Variants in MALRD1 observed in about 807,000 individuals in gnomAD.
The protein encoded by MALRD1 is MAM and LDL receptor class A domain containing 1.
In MALRD1, 247 loss-of-function variants were observed where a neutral mutation model predicts 242.1. That is an observed-to-expected ratio of 1.02 (90% CI 0.92 to 1.13). The LOEUF (loss-of-function observed/expected upper bound fraction) is 1.13, where lower values mean the gene tolerates loss of function less well. Ranked by LOEUF, MALRD1 falls within the 50% of genes most tolerant of loss-of-function variation. The probability of loss-of-function intolerance (pLI) is 0.00; values close to 1 mark genes in which losing one functional copy is unlikely to be tolerated. For synonymous variants in MALRD1, 995 were observed against 866.6 expected (o/e 1.15, Z -2.60); for missense variants, 2,989 against 2,533.1 (o/e 1.18, Z -3.86).
At chr10:19,049,959 A>G (rs532674345) in intron 1 of MALRD1, among the ~76,000 whole-genome samples, 1 of 152,264 alleles carries the variant, frequency 6.6e-6, no homozygotes, top group South Asian at 2.1e-4. Flanking sequence ...TTCACCCTTC[A>G]TAAACCACAT....
intron 39 of MALRD1, among the ~76,000 whole-genome samples, chr10:19,732,444 G>T (rs1400586194): frequency 1.3e-5 from 2 of 152,078 alleles, no homozygotes; most frequent in African/African-American, 4.8e-5. Flanking sequence ...TGTATTTTTA[G>T]TAGAGACAGG....
intron 26 of MALRD1, among the ~76,000 whole-genome samples, chr10:19,367,572 A>G (rs372096657): frequency 6.6e-6 from 1 of 152,130 alleles, no homozygotes; most frequent in Non-Finnish European, 1.5e-5. Flanking sequence ...GCTGCAGTAG[A>G]CATAAGAGTG....
At chr10:19,234,832 G>T (rs1366753517) in intron 18 of MALRD1, among the ~76,000 whole-genome samples, 3 of 152,110 alleles carry the variant, frequency 2.0e-5, no homozygotes, top group Non-Finnish European at 4.4e-5. Context: ...ACAATACAAA[G>T]GGGATGGCAT....
At chr10:19,702,280 C>G (rs59462456) in intron 38 of MALRD1, among the ~76,000 whole-genome samples, 8,211 of 152,208 alleles carry the variant, frequency 0.054, 507 homozygotes, top group African/African-American at 0.15. Context: ...TGTTCCCATT[C>G]TTCCACACCC....
At chr10:19,509,216 A>T (rs1833286067) in intron 31 of MALRD1, among the ~76,000 whole-genome samples, 1 of 152,222 alleles carries the variant, frequency 6.6e-6, no homozygotes, top group African/African-American at 2.4e-5. Context: ...GGCAATACTC[A>T]GAACCAAAAG....
intron 38 of MALRD1, among the ~76,000 whole-genome samples, chr10:19,705,389 A>G (rs2131856543): frequency 6.6e-6 from 1 of 152,288 alleles, no homozygotes; most frequent in Admixed American, 6.5e-5. Context: ...TAGCACAGTG[A>G]CCGAGGTCAT....
At chr10:19,516,311 G>T (rs1346227176) in intron 31 of MALRD1, among the ~76,000 whole-genome samples, 1 of 152,030 alleles carries the variant, frequency 6.6e-6, no homozygotes, top group African/African-American at 2.4e-5. Context: ...CAATGTAAGA[G>T]AACTCTTTTA....
intron 21 of MALRD1, among the ~76,000 whole-genome samples, chr10:19,314,843 C>A (rs1842574342): frequency 6.6e-6 from 1 of 151,092 alleles, no homozygotes; most frequent in Non-Finnish European, 1.5e-5. Flanking sequence ...AGTTGTAGAC[C>A]AGCGCAACGT....
At chr10:19,156,642 G>A (rs1327114743) in intron 12 of MALRD1, among the ~76,000 whole-genome samples, 1 of 152,086 alleles carries the variant, frequency 6.6e-6, no homozygotes, top group Non-Finnish European at 1.5e-5. Context: ...ACAGAAATTT[G>A]AAGATATTAA....
chr10:19,080,877 A>C (rs573843977), intron 2 of MALRD1, among the ~76,000 whole-genome samples: 1 of 152,206 alleles, frequency 6.6e-6, no homozygotes, highest in South Asian at 2.1e-4. Context: ...TATCCAGCAA[A>C]GGTCAAATAT....
rs1836950182 is a variant in MALRD1, at chr10:19,209,597, C to G, written c.2908C>G (p.Gln970Glu). 6.4e-7 allele frequency: 1 copy of G among 1,550,954 alleles called. No homozygotes were observed. Among genetic ancestry groups the G allele is most frequent in the Non-Finnish European group, 8.7e-7 (1 of 1,147,054 alleles). Residue 970 changes from glutamine to glutamate, a missense_variant, in exon 18 of 40, where the codon CAG (glutamine) becomes GAG (glutamate). Transcript: ENST00000454679. ...YQRIWSDSRGQLLWQIFGNQG... is the reference protein window; with the variant it reads ...YQRIWSDSRGELLWQIFGNQG... ...ACGAATCTGGAGTGACTCAAGGGGA[C>G]AGCTGCTGTGGCAGATATTTGGGAA...
At chr10:19,303,534 T>C (rs1026654975) in intron 21 of MALRD1, among the ~76,000 whole-genome samples, 1 of 151,734 alleles carries the variant, frequency 6.6e-6, no homozygotes, top group Admixed American at 6.6e-5. Flanking sequence ...CTTGAACTAA[T>C]GCATATCTCT....
chr10:19,709,622 C>G (rs1405583834), intron 38 of MALRD1, among the ~76,000 whole-genome samples: 4 of 152,036 alleles, frequency 2.6e-5, no homozygotes, highest in African/African-American at 9.7e-5. Flanking sequence ...CTTTTGGGTC[C>G]TAAGTATTCC....
At chr10:19,203,484 G>C (rs1171277196) in intron 14 of MALRD1, among the ~76,000 whole-genome samples, 2 of 152,126 alleles carry the variant, frequency 1.3e-5, no homozygotes, top group Non-Finnish European at 2.9e-5. Context: ...CTGTTTCTCA[G>C]AATATTCGGA....
chr10:19,098,697 G>A (rs565063023), intron 4 of MALRD1, among the ~76,000 whole-genome samples: 17 of 152,206 alleles, frequency 1.1e-4, no homozygotes, highest in Admixed American at 1.3e-4. Flanking sequence ...TCGTTGTCTG[G>A]GGCTATACCT....
chr10:19,261,345 G>C (rs1170334706), intron 19 of MALRD1, among the ~76,000 whole-genome samples: 1 of 151,602 alleles, frequency 6.6e-6, no homozygotes, highest in Non-Finnish European at 1.5e-5. Flanking sequence ...ATAAACTATG[G>C]GTCAAAACCA....
intron 29 of MALRD1, among the ~76,000 whole-genome samples, chr10:19,455,032 G>T (rs1008427489): frequency 5.3e-5 from 8 of 152,086 alleles, no homozygotes; most frequent in Non-Finnish European, 1.2e-4. Context: ...TCTGTAGTCT[G>T]TCCAGGAACA....
intron 17 of MALRD1, among the ~76,000 whole-genome samples, chr10:19,208,561 G>T (rs867163732): frequency 6.6e-6 from 1 of 152,154 alleles, no homozygotes; most frequent in African/African-American, 2.4e-5. Flanking sequence ...TAGGATCTGG[G>T]ACGGGATGGA....
At chr10:19,155,525 A>C (rs1834111522) in intron 12 of MALRD1, among the ~76,000 whole-genome samples, 2 of 152,226 alleles carry the variant, frequency 1.3e-5, no homozygotes, top group East Asian at 3.9e-4. Context: ...AAGAAAGACA[A>C]ATGGAAATGA....
Sources: gnomAD v4.1 joint callset for allele counts (sites outside exome capture counted in the v4.1 genomes callset) on GRCh38, gnomAD v4.1.1 for gene constraint, MANE v1.5 for transcripts, NCBI Gene and HGNC (gene_info 2026-07-23, HGNC 2026-07-21) for gene names.